The following ATP10A variants were observed in gnomAD, a reference collection of about 807,000 sequenced individuals.
ATP10A encodes ATPase phospholipid transporting 10A (putative).
A neutral mutation model predicts 147.8 loss-of-function variants in ATP10A; 111 were observed. The ratio of observed to expected loss-of-function variants is 0.75; its 90% CI spans 0.64 to 0.88. The LOEUF (loss-of-function observed/expected upper bound fraction) is 0.88. Ranked by LOEUF, ATP10A falls within the 40% of genes least tolerant of loss-of-function variation. The pLI, the probability that ATP10A is intolerant of heterozygous loss-of-function variation, is 0.00. For missense variants in ATP10A, 1,927 were observed against 1,959.0 expected (o/e 0.98, Z 0.31); for synonymous variants, 875 against 841.6 (o/e 1.04, Z -0.69).
intron 1 of ATP10A, among the ~76,000 whole-genome samples, chr15:25,834,105 A>T (rs1477277857): frequency 6.6e-6 from 1 of 152,234 alleles, no homozygotes; most frequent in Non-Finnish European, 1.5e-5. Flanking sequence ...TCATTACTCC[A>T]CAATGTATAT....
intron 13 of ATP10A, among the ~76,000 whole-genome samples, chr15:25,697,408 A>T (rs1319924609): frequency 6.6e-6 from 1 of 152,254 alleles, no homozygotes; most frequent in African/African-American, 2.4e-5. Context: ...TTCTTAGCAT[A>T]CAAAGAACCA....
chr15:25,806,821 C>T (rs1318158574), intron 1 of ATP10A, among the ~76,000 whole-genome samples: 1 of 152,172 alleles, frequency 6.6e-6, no homozygotes. Flanking sequence ...AAGGTTAACA[C>T]CCTTAAGCAT....
intron 3 of ATP10A, among the ~76,000 whole-genome samples, chr15:25,732,948 C>T (rs1454233737): frequency 6.6e-6 from 1 of 152,058 alleles, no homozygotes; most frequent in Non-Finnish European, 1.5e-5. Context: ...GATGATACCT[C>T]CAGGATTAGG....
chr15:25,706,085 T>C (rs1296240282), intron 12 of ATP10A, among the ~76,000 whole-genome samples: 1 of 152,152 alleles, frequency 6.6e-6, no homozygotes, highest in African/African-American at 2.4e-5. Flanking sequence ...ACTCTGATTT[T>C]AGATCTTCAC....
intron 1 of ATP10A, among the ~76,000 whole-genome samples, chr15:25,852,885 G>A (rs1893355785): frequency 6.6e-6 from 1 of 152,154 alleles, no homozygotes; most frequent in Admixed American, 6.5e-5. Flanking sequence ...TTCTCCCACA[G>A]TTCTTCTGTG....
intron 9 of ATP10A, 116 bp from the exon 10 acceptor site, chr15:25,714,357 A>G: frequency 1.1e-6 from 1 of 902,730 alleles, no homozygotes; most frequent in Non-Finnish European, 1.7e-6. Context: ...TCGCTTCCCC[A>G]CTGGGGTCTC....
intron 17 of ATP10A, among the ~76,000 whole-genome samples, chr15:25,682,163 C>T (rs904313621): frequency 2.6e-5 from 4 of 151,904 alleles, no homozygotes; most frequent in African/African-American, 9.7e-5. Flanking sequence ...GCATTCTCCC[C>T]CAGTTTGAGC....
chr15:25,728,221 G>A (rs6576446), intron 3 of ATP10A, among the ~76,000 whole-genome samples: 150,275 of 152,300 alleles, frequency 0.99, 74,185 homozygotes, highest in East Asian at 1. Flanking sequence ...CCTCCTGCCA[G>A]CTATTGGCCT....
chr15:25,789,205 C>T (rs1890301371), intron 1 of ATP10A, among the ~76,000 whole-genome samples: 1 of 152,166 alleles, frequency 6.6e-6, no homozygotes, highest in African/African-American at 2.4e-5. Context: ...CAAATATCCA[C>T]CTGACTCAGC....
chr15:25,795,793 G>T (rs1241558229), intron 1 of ATP10A, among the ~76,000 whole-genome samples: 2 of 152,200 alleles, frequency 1.3e-5, no homozygotes, highest in African/African-American at 4.8e-5. Context: ...AGCGTTAGAG[G>T]TGGGGCCTCA....
chr15:25,764,502 C>T (rs1168148086), intron 2 of ATP10A, among the ~76,000 whole-genome samples: 1 of 152,168 alleles, frequency 6.6e-6, no homozygotes, highest in Non-Finnish European at 1.5e-5. Flanking sequence ...GAGACACTCA[C>T]TCGAAGTTCT....
chr15:25,733,356 C>T (rs67518529), intron 3 of ATP10A, among the ~76,000 whole-genome samples: 42,089 of 151,986 alleles, frequency 0.28, 7,283 homozygotes, highest in African/African-American at 0.47. Flanking sequence ...TTGCTTGGGA[C>T]GGATAGCGTT....
intron 1 of ATP10A, among the ~76,000 whole-genome samples, chr15:25,796,010 C>T (rs1890655939): frequency 6.6e-6 from 1 of 152,214 alleles, no homozygotes; most frequent in Non-Finnish European, 1.5e-5. Flanking sequence ...TCACCAGATG[C>T]AGATGCTGGT....
intron 1 of ATP10A, among the ~76,000 whole-genome samples, chr15:25,818,872 T>C (rs4906782): frequency 0.15 from 22,642 of 151,904 alleles, 1,847 homozygotes; most frequent in South Asian, 0.22. Flanking sequence ...GCTGGGGAAA[T>C]TGGATTGCTA....
At chr15:25,698,950 C>T (rs1900510544) in intron 13 of ATP10A, among the ~76,000 whole-genome samples, 1 of 151,912 alleles carries the variant, frequency 6.6e-6, no homozygotes, top group Non-Finnish European at 1.5e-5. Context: ...TAAAAGAAGA[C>T]CTAAAAAATG....
At chr15:25,695,850 G>A (rs528527876) in intron 13 of ATP10A, among the ~76,000 whole-genome samples, 1 of 152,008 alleles carries the variant, frequency 6.6e-6, no homozygotes, top group East Asian at 1.9e-4. Flanking sequence ...ACAAAGCTCT[G>A]CAAAAGGCTT....
At chr15:25,774,626 G>A (rs1446582935) in intron 2 of ATP10A, among the ~76,000 whole-genome samples, 2 of 150,906 alleles carry the variant, frequency 1.3e-5, no homozygotes, top group East Asian at 3.9e-4. Flanking sequence ...TGCACTCTCT[G>A]TACATGGTGA....
intron 9 of ATP10A, among the ~76,000 whole-genome samples, chr15:25,715,325 G>A (rs950653098): frequency 2.0e-5 from 3 of 152,156 alleles, no homozygotes; most frequent in Non-Finnish European, 4.4e-5. Flanking sequence ...AAATGTCCTC[G>A]AAGGTGGCGC....
Position 25,708,224 on chromosome 15 carries a change from G to T in ATP10A, c.2421C>A (p.Gly807=). 6.2e-7 allele frequency: 1 copy of T among 1,614,222 alleles called. No individual in the cohort carries two copies. Among genetic ancestry groups the T allele is most frequent in the Non-Finnish European group, 8.5e-7 (1 of 1,180,042 alleles). The change falls in exon 11 of 21, where the codon GGC becomes GGA. Residue 807 remains glycine (G), a synonymous_variant. Coordinates refer to ENST00000555815, the MANE Select transcript of ATP10A (RefSeq NM_024490.4). ...QNYLNVYAAE[G]LRTLCIAKRV... is the part of the protein sequence containing the mutation. The stretch of plus-strand genomic sequence containing the variant: ...TCTTGGCGATGCACAAGGTGCGCAG[G>T]CCTTCCGCCGCATACACGTTGAGGT...
Sources: allele counts gnomAD v4.1 joint callset (sites outside exome capture counted in the v4.1 genomes callset), GRCh38; gene constraint gnomAD v4.1.1; transcripts MANE v1.5; gene names NCBI Gene and HGNC (gene_info 2026-07-23, HGNC 2026-07-21).